AFF2: variants seen among roughly 807,000 people sequenced by gnomAD.
AFF2 encodes the protein AF4/FMR2 family member 2.
Under a neutral mutation model 76.9 loss-of-function variants are expected in AFF2, and 14 were observed. The observed-to-expected ratio is 0.18, with a 90% confidence interval of 0.12 to 0.28. AFF2 has a LOEUF of 0.28. AFF2 is among the 10% of genes least tolerant of loss of function. The pLI is 1.00. For missense variants in AFF2, 868 were observed against 1,001.1 expected, an observed-to-expected ratio of 0.87 and a Z score of 1.79; for synonymous variants, 398 against 366.7, an observed-to-expected ratio of 1.09 and a Z score of -0.98.
chrX:148,880,022 C>T (rs782313038), intron 7 of AFF2, among the ~76,000 whole-genome samples: 1 of 112,396 alleles, frequency 8.9e-6, no homozygotes, highest in African/African-American at 3.2e-5. Flanking sequence ...ATGTTTAGAC[C>T]TTGCCTGTGG....
chrX:148,556,011 G>A (rs1286314089), intron 1 of AFF2, among the ~76,000 whole-genome samples: 4 of 111,892 alleles, frequency 3.6e-5, no homozygotes, highest in African/African-American at 1.3e-4. Context: ...GTGGTTTATG[G>A]CCACAGAAAC....
intron 7 of AFF2, among the ~76,000 whole-genome samples, chrX:148,866,010 G>A (rs1006038665): frequency 4.5e-5 from 5 of 111,702 alleles, no homozygotes; most frequent in African/African-American, 9.8e-5. Context: ...GACAAAAAAC[G>A]AGGCTCTTAA....
intron 3 of AFF2, among the ~76,000 whole-genome samples, chrX:148,683,589 T>C (rs1034536369): frequency 1.8e-5 from 2 of 112,209 alleles, no homozygotes; most frequent in Admixed American, 9.4e-5. Context: ...TTTAACATGT[T>C]GGTCTTACAG....
intron 3 of AFF2, among the ~76,000 whole-genome samples, chrX:148,803,756 G>A (rs1188405060): frequency 9.0e-6 from 1 of 111,282 alleles, no homozygotes; most frequent in Non-Finnish European, 1.9e-5. Context: ...TTCTGCATAT[G>A]CATTCCACCG....
intron 1 of AFF2, among the ~76,000 whole-genome samples, chrX:148,564,557 C>T (rs1286376955): frequency 1.8e-5 from 2 of 109,822 alleles, no homozygotes; most frequent in Non-Finnish European, 3.8e-5. Context: ...TTTTTCACCC[C>T]AGCCTCTGCT....
intron 1 of AFF2, among the ~76,000 whole-genome samples, chrX:148,612,550 A>G (rs2053745228): frequency 8.9e-6 from 1 of 112,279 alleles, no homozygotes; most frequent in Non-Finnish European, 1.9e-5. Context: ...TATGTGGGAA[A>G]AACATTTCTA....
intron 19 of AFF2, among the ~76,000 whole-genome samples, chrX:148,982,318 C>G (rs1011651625): frequency 8.9e-5 from 10 of 111,830 alleles, no homozygotes; most frequent in Non-Finnish European, 1.9e-5. Context: ...ATGTCTCGTT[C>G]ATTCAGCAAA....
intron 1 of AFF2, among the ~76,000 whole-genome samples, chrX:148,616,694 C>G (rs782201147): frequency 1.8e-5 from 2 of 110,186 alleles, no homozygotes; most frequent in South Asian, 3.9e-4. Flanking sequence ...ATTTACATTA[C>G]ATATATCTCC....
intron 10 of AFF2, 42 bp from the exon 11 acceptor site, chrX:148,955,561 C>G: frequency 1.7e-6 from 2 of 1,168,551 alleles, no homozygotes; most frequent in Non-Finnish European, 1.1e-6. Flanking sequence ...GAATCCTTCC[C>G]AAGTGTAAAA....
chrX:148,714,697 G>T (rs1557263198), intron 3 of AFF2, among the ~76,000 whole-genome samples: 1 of 111,531 alleles, frequency 9.0e-6, no homozygotes, highest in Non-Finnish European at 1.9e-5. Flanking sequence ...CCTGTCGATA[G>T]TCTCCTTCCT....
intron 20 of AFF2, among the ~76,000 whole-genome samples, chrX:148,987,827 A>G (rs2072491665): frequency 8.9e-6 from 1 of 112,237 alleles, no homozygotes. Flanking sequence ...ACAAAGATCA[A>G]CACAGAGAAA....
At chrX:148,731,653 A>C (rs2124553203) in intron 3 of AFF2, among the ~76,000 whole-genome samples, 1 of 109,006 alleles carries the variant, frequency 9.2e-6, no homozygotes, top group South Asian at 4.0e-4. Flanking sequence ...AACATGGGAG[A>C]AAATTTTCGC....
At position 148,884,234 on chromosome X, in the gene AFF2, C is replaced by A. The variant is rs1437741359; in HGVS notation, c.1263-1655C>A. On this transcript the variant is annotated intron_variant, in intron 7 of 20. Transcript: ENST00000370460. The stretch of plus-strand genomic sequence containing the variant: ...TCTTGAAGGACAGTCATAAATCCTG[C>A]AAATTTAGTTTATCCGAAAGCCACT... 9.8e-5 allele frequency among the ~76,000 whole-genome samples: 11 copies of A among 112,100 alleles called. No individual in the cohort carries two copies. The Middle Eastern group carries it at 0.014, about 141-fold the overall frequency.
chrX:148,530,942 G>C (rs1220296439), intron 1 of AFF2, among the ~76,000 whole-genome samples: 2 of 111,671 alleles, frequency 1.8e-5, no homozygotes, highest in Admixed American at 9.5e-5. Context: ...TGGGACCAAT[G>C]ATGAGGAAAA....
Position 148,723,955 on chromosome X carries a change from T to C in AFF2, c.1041+61187T>C, listed in dbSNP as rs1262801081. 5.8e-5 allele frequency among the ~76,000 whole-genome samples: 6 copies of C among 103,210 alleles called. 1 individual carries two copies. Among genetic ancestry groups the C allele is most frequent in the Admixed American group, 1.0e-4 (1 of 9,589 alleles). 89.6% of individuals were successfully genotyped at this position (103,210 alleles called of 115,157 possible). ...TTTTTGGTGATGATGGTGGGGGCAT[T>C]GGACATGGGGCGGAAACAGGAACAA... is the stretch of plus-strand genomic sequence containing the variant. On this transcript the variant is annotated intron_variant, in intron 3 of 20. Coordinates refer to ENST00000370460, the MANE Select transcript of AFF2 (RefSeq NM_002025.4).
intron 7 of AFF2, among the ~76,000 whole-genome samples, chrX:148,877,062 C>T (rs1347855194): frequency 1.8e-5 from 2 of 112,046 alleles, no homozygotes; most frequent in Admixed American, 9.5e-5. Context: ...ACTTGGTCTT[C>T]AGTCATCTGG....
intron 3 of AFF2, among the ~76,000 whole-genome samples, chrX:148,775,394 T>G (rs1557268463): frequency 8.9e-6 from 1 of 112,110 alleles, no homozygotes; most frequent in East Asian, 2.8e-4. Flanking sequence ...CATTTATTGT[T>G]TTTACTTAAA....
intron 4 of AFF2, among the ~76,000 whole-genome samples, chrX:148,824,849 C>T (rs782506894): frequency 9.0e-6 from 1 of 110,980 alleles, no homozygotes; most frequent in Admixed American, 9.6e-5. Flanking sequence ...CAGCCTGGGG[C>T]AACAAAAGGA....
chrX:148,843,278 A>G (rs2070624456), intron 6 of AFF2, 104 bp from the exon 7 acceptor site: 1 of 686,894 alleles, frequency 1.5e-6, no homozygotes, highest in Non-Finnish European at 2.2e-6. Flanking sequence ...ACTTATCTCA[A>G]GAAGGTAACT....
Sources: gnomAD v4.1 joint callset for allele counts (sites outside exome capture counted in the v4.1 genomes callset) on GRCh38, gnomAD v4.1.1 for gene constraint, MANE v1.5 for transcripts, NCBI Gene and HGNC (gene_info 2026-07-23, HGNC 2026-07-21) for gene names.